The following NEDD4L variants were observed in gnomAD, a reference collection of about 807,000 sequenced individuals.
NEDD4L encodes the protein NEDD4 like E3 ubiquitin protein ligase.
A neutral mutation model predicts 148.9 loss-of-function variants in NEDD4L; 54 were observed. The ratio of observed to expected loss-of-function variants is 0.36; its 90% CI spans 0.29 to 0.45. NEDD4L has a LOEUF of 0.45. Among genes scored for constraint, NEDD4L ranks in the 20% least tolerant of loss-of-function variants. The pLI is 1.00. For missense variants in NEDD4L, 856 were observed against 1,233.8 expected (o/e 0.69, Z 4.59); for synonymous variants, 433 against 440.7 (o/e 0.98, Z 0.22).
At chr18:58,200,842 T>C (rs2041311632) in intron 2 of NEDD4L, among the ~76,000 whole-genome samples, 1 of 152,250 alleles carries the variant, frequency 6.6e-6, no homozygotes, top group African/African-American at 2.4e-5. Flanking sequence ...TGTATTTGAA[T>C]ACAGTGAGGT....
intron 19 of NEDD4L, 42 bp downstream of exon 19, chr18:58,357,294 G>A (rs1350985369): frequency 4.5e-6 from 7 of 1,543,960 alleles, no homozygotes; most frequent in Admixed American, 3.3e-5. Context: ...TAAGATTTTG[G>A]TTACGTGTTT....
intron 2 of NEDD4L, among the ~76,000 whole-genome samples, chr18:58,215,680 T>C (rs546668680): frequency 2.6e-5 from 4 of 152,194 alleles, no homozygotes; most frequent in Admixed American, 6.5e-5. Flanking sequence ...CCCACTCTAA[T>C]TGTGAAAATT....
intron 1 of NEDD4L, among the ~76,000 whole-genome samples, chr18:58,113,663 C>T (rs111922482): frequency 0.02 from 2,983 of 152,134 alleles, 46 homozygotes; most frequent in South Asian, 0.043. Context: ...CAAAGTGGGA[C>T]GGCCTTACGG....
intron 1 of NEDD4L, among the ~76,000 whole-genome samples, chr18:58,093,920 A>G (rs2084222971): frequency 6.7e-6 from 1 of 149,756 alleles, no homozygotes; most frequent in Non-Finnish European, 1.5e-5. Context: ...CTAGAGCAAG[A>G]CATGCAGTCC....
chr18:58,152,118 A>T (rs1374878143), intron 1 of NEDD4L, among the ~76,000 whole-genome samples: 1 of 152,008 alleles, frequency 6.6e-6, no homozygotes, highest in Non-Finnish European at 1.5e-5. Flanking sequence ...TAAAAAAAAA[A>T]ACTCAGTCAT....
intron 1 of NEDD4L, among the ~76,000 whole-genome samples, chr18:58,083,314 G>A (rs1296815983): frequency 2.6e-5 from 4 of 152,194 alleles, no homozygotes; most frequent in Non-Finnish European, 5.9e-5. Context: ...GATTTTGGAA[G>A]GGGAGGGAGT....
intron 1 of NEDD4L, among the ~76,000 whole-genome samples, chr18:58,049,043 C>T (rs1016733277): frequency 6.6e-6 from 1 of 152,282 alleles, no homozygotes; most frequent in African/African-American, 2.4e-5. Context: ...TACTGTCCAT[C>T]TTATGAAGCA....
intron 23 of NEDD4L, among the ~76,000 whole-genome samples, chr18:58,371,203 ATTTTTTTT>A (rs34960405): frequency 3.2e-5 from 3 of 92,988 alleles, no homozygotes; most frequent in South Asian, 8.3e-4. Flanking sequence ...TGCCTGGCTA[ATTTTTTTT>A]TTTTTTTTTT....
intron 5 of NEDD4L, among the ~76,000 whole-genome samples, chr18:58,283,960 A>G (rs2053548696): frequency 6.6e-6 from 1 of 152,208 alleles, no homozygotes; most frequent in East Asian, 1.9e-4. Flanking sequence ...CCATGGAAAG[A>G]TGAAGGCAGA....
Position 58,324,874 on chromosome 18 carries a change from G to A in NEDD4L, c.514-122G>A, listed in dbSNP as rs1261099430. Reference sequence around the variant, plus strand: ...GAATTTACTCAAATGTGGCCCCGAAGCCATGGCTAGAGCCAGAGAGCCCCA... The same window carrying A: ...GAATTTACTCAAATGTGGCCCCGAAACCATGGCTAGAGCCAGAGAGCCCCA... On this transcript the variant is annotated intron_variant, in intron 8 of 30. Coordinates refer to ENST00000400345, the MANE Select transcript of NEDD4L (RefSeq NM_001144967.3). 5.8e-6 allele frequency: 5 copies of A among 865,766 alleles called. No homozygotes were observed. The African/African-American group carries it at 6.7e-5, about 12-fold the overall frequency. The allele number at this position is 865,766 out of a possible 1,614,324, so 53.6% of individuals were successfully genotyped here.
chr18:58,119,484 A>C (rs2086083395), intron 1 of NEDD4L, among the ~76,000 whole-genome samples: 1 of 152,164 alleles, frequency 6.6e-6, no homozygotes, highest in African/African-American at 2.4e-5. Flanking sequence ...CAGCTGCCAC[A>C]GTGTCTTTGC....
At chr18:58,272,402 G>A (rs911818530) in intron 5 of NEDD4L, among the ~76,000 whole-genome samples, 1 of 152,156 alleles carries the variant, frequency 6.6e-6, no homozygotes, top group Non-Finnish European at 1.5e-5. Context: ...TTGAGAGGCC[G>A]AGGCAGATAG....
intron 1 of NEDD4L, among the ~76,000 whole-genome samples, chr18:58,143,529 C>T (rs1356133123): frequency 1.3e-5 from 2 of 152,230 alleles, no homozygotes; most frequent in Non-Finnish European, 2.9e-5. Flanking sequence ...TGCTGTGTTG[C>T]AAACCCAGTG....
chr18:58,349,637 G>C lies in NEDD4L; in HGVS notation c.1653+23G>C, dbSNP rs558348369. The C allele has an allele frequency of 6.5e-6, 10 of 1,547,730 alleles. No homozygotes were observed. The South Asian group carries it at 1.1e-4, about 17-fold the overall frequency. On this transcript the variant is annotated intron_variant, in intron 17 of 30. Transcript: ENST00000400345. ...CCTGTGAGTACACTGGAGACACATG[G>C]AATGGTCTGAATATGTGTGTTCCTT...
At chr18:58,233,008 G>A (rs560610047) in intron 2 of NEDD4L, among the ~76,000 whole-genome samples, 2 of 152,178 alleles carry the variant, frequency 1.3e-5, no homozygotes, top group Non-Finnish European at 2.9e-5. Context: ...AGTCCAAAAA[G>A]CCCTGAAAAC....
In NEDD4L at chr18:58,230,320, A is replaced by G. The variant is rs186002967; in HGVS notation, c.123-15107A>G. The stretch of plus-strand genomic sequence containing the variant: ...AGGATATCAACTCTATAAGTCAGTT[A>G]ATATGTTCATGCTTTTAGTTAATCG... On this transcript the variant is annotated intron_variant, in intron 2 of 30. Transcript: ENST00000400345. Among the ~76,000 whole-genome samples the G allele has an allele frequency of 1.1e-4, 16 of 152,248 alleles. No individual in the cohort carries two copies. In the East Asian group the frequency reaches 2.3e-3, roughly 22 times the overall value.
intron 2 of NEDD4L, among the ~76,000 whole-genome samples, chr18:58,223,447 G>A (rs374086549): frequency 6.6e-6 from 1 of 152,128 alleles, no homozygotes; most frequent in East Asian, 1.9e-4. Flanking sequence ...TGATGGTGGG[G>A]GGCTCTATGT....
intron 13 of NEDD4L, 65 bp from the exon 14 acceptor site, chr18:58,340,973 C>CTTTA: frequency 1.3e-6 from 2 of 1,505,258 alleles, no homozygotes; most frequent in Non-Finnish European, 1.8e-6. Flanking sequence ...GTGTACCTTA[C>CTTTA]TTTATTAAAC....
intron 2 of NEDD4L, among the ~76,000 whole-genome samples, chr18:58,166,430 T>G (rs2036852261): frequency 6.6e-6 from 1 of 152,214 alleles, no homozygotes. Flanking sequence ...TTGTTCCTAT[T>G]GGCTGTCAGC....
Sources: allele counts gnomAD v4.1 joint callset (sites outside exome capture counted in the v4.1 genomes callset), GRCh38; gene constraint gnomAD v4.1.1; transcripts MANE v1.5; gene names NCBI Gene and HGNC (gene_info 2026-07-23, HGNC 2026-07-21).